KIAA0825: variants seen among roughly 807,000 people sequenced by gnomAD.
KIAA0825 encodes the protein KIAA0825, also known as uncharacterized protein KIAA0825.
A neutral mutation model predicts 147.6 loss-of-function variants in KIAA0825; 119 were observed. The observed-to-expected ratio is 0.81, with a 90% CI of 0.69 to 0.94. The LOEUF (loss-of-function observed/expected upper bound fraction) is 0.94. KIAA0825 is among the 40% of genes least tolerant of loss of function. KIAA0825 has a pLI of 0.00. For synonymous variants in KIAA0825, 470 were observed against 518.1 expected (o/e 0.91, Z 1.26); for missense variants, 1,381 against 1,472.7 (o/e 0.94, Z 1.02).
At chr5:94,468,262 G>A (rs993245116) in intron 10 of KIAA0825, among the ~76,000 whole-genome samples, 2 of 152,098 alleles carry the variant, frequency 1.3e-5, no homozygotes, top group African/African-American at 4.8e-5. Flanking sequence ...TTGCATAAGA[G>A]GAAACATAAT....
At chr5:94,435,209 G>T (rs915052309) in intron 14 of KIAA0825, among the ~76,000 whole-genome samples, 1 of 151,492 alleles carries the variant, frequency 6.6e-6, no homozygotes, top group African/African-American at 2.4e-5. Context: ...ATGGGGGTTT[G>T]TTGTACAGAT....
chr5:94,578,761 T>C (rs1241469423), intron 2 of KIAA0825, among the ~76,000 whole-genome samples: 1 of 152,244 alleles, frequency 6.6e-6, no homozygotes, highest in Non-Finnish European at 1.5e-5. Context: ...CAATTTTTCA[T>C]GTGCCAGTCA....
intron 20 of KIAA0825, among the ~76,000 whole-genome samples, chr5:94,290,115 G>A (rs927513884): frequency 6.6e-6 from 1 of 152,062 alleles, no homozygotes; most frequent in Non-Finnish European, 1.5e-5. Flanking sequence ...GGCAATAAGA[G>A]AGTAGGTACA....
At chr5:94,501,781 T>C (rs180869467) in intron 5 of KIAA0825, among the ~76,000 whole-genome samples, 30 of 152,320 alleles carry the variant, frequency 2.0e-4, no homozygotes, top group Non-Finnish European at 2.9e-4. Flanking sequence ...ATCAAAATTT[T>C]AATTAGCTTA....
In KIAA0825 at chr5:94,471,658, T is replaced by C. The variant is rs761348238; in HGVS notation, c.1529A>G (p.Gln510Arg). 5.2e-6 allele frequency: 8 copies of C among 1,552,144 alleles called. No homozygotes were observed. The highest frequency in any genetic ancestry group is 3.9e-5 in the Admixed American group (2 of 50,980). Residue 510 changes from glutamine to arginine, a missense_variant, in exon 9 of 21, where the codon CAG becomes CGG. Physicochemically the swap from Gln to Arg is conservative, Grantham distance 43. Coordinates refer to ENST00000682413, the MANE Select transcript of KIAA0825 (RefSeq NM_001145678.3). ...CTCCACCAAGTTTGCTCTAATTTCC[T>C]GAAAAGAATCATCTCTGCATGCCAG... ...LALACRDDSFQEIRANLVEAC... is the reference protein window; with the variant it reads ...LALACRDDSFREIRANLVEAC...
At chr5:94,526,763 A>G (rs1479080533) in intron 3 of KIAA0825, among the ~76,000 whole-genome samples, 4 of 152,010 alleles carry the variant, frequency 2.6e-5, no homozygotes, top group Non-Finnish European at 1.5e-5. Flanking sequence ...AGGCATTGTG[A>G]TATATACTAG....
chr5:94,508,119 A>C (rs1584723208), intron 5 of KIAA0825, among the ~76,000 whole-genome samples: 1 of 149,692 alleles, frequency 6.7e-6, no homozygotes. Context: ...TTTATGTCTC[A>C]CTGTGGTATG....
At chr5:94,453,375 T>TG (rs1758678510) in intron 12 of KIAA0825, among the ~76,000 whole-genome samples, 1 of 143,098 alleles carries the variant, frequency 7.0e-6, no homozygotes, top group Admixed American at 7.2e-5. Flanking sequence ...TTAGTAGAGA[T>TG]GGGGTTTCAA....
chr5:94,484,753 C>G lies in KIAA0825; in HGVS notation c.1132+16G>C. The stretch of plus-strand genomic sequence containing the variant: ...GAAATTATAGATTTACAAATTTAAA[C>G]AAAAGAGGATATTACCTGAAGTATC... On this transcript the variant is annotated intron_variant, in intron 6 of 20. Transcript: ENST00000682413. 1 of 1,423,616 alleles carries G rather than the reference C, an allele frequency of 7.0e-7. No individual in the cohort carries two copies. The highest frequency in any genetic ancestry group is 1.5e-5 in the South Asian group (1 of 66,772). The allele number at this position is 1,423,616 out of a possible 1,614,324, so 88.2% of individuals were successfully genotyped here. A position where few individuals can be genotyped will look rare whatever the true frequency, so the allele number is the denominator to read the frequency against.
At chr5:94,466,618 T>A (rs1472394586) in intron 10 of KIAA0825, among the ~76,000 whole-genome samples, 1 of 151,192 alleles carries the variant, frequency 6.6e-6, no homozygotes, top group Non-Finnish European at 1.5e-5. Flanking sequence ...GCGCCTGTAG[T>A]CCCAGCTACT....
chr5:94,519,384 T>A lies in KIAA0825; in HGVS notation c.970+864A>T, dbSNP rs1235739623. The A allele has an allele frequency of 1.2e-5, 11 of 896,722 alleles. No homozygotes were observed. The Admixed American group carries it at 6.2e-4, about 51-fold the overall frequency. The allele number at this position is 896,722 out of a possible 1,614,324, so 55.5% of individuals were successfully genotyped here. A position where few individuals can be genotyped will look rare whatever the true frequency, so the allele number is the denominator to read the frequency against. ...ATTCAGAAATACACCTCAGATTTTA[T>A]ATAAAAGCATAACTAATGATAATTT... On this transcript the variant is annotated intron_variant, in intron 5 of 20. Transcript: ENST00000682413.
intron 1 of KIAA0825, among the ~76,000 whole-genome samples, chr5:94,615,137 T>C (rs1790089028): frequency 6.6e-6 from 1 of 151,982 alleles, no homozygotes; most frequent in African/African-American, 2.4e-5. Context: ...TGATTGTGTG[T>C]CCACCAATGT....
intron 12 of KIAA0825, among the ~76,000 whole-genome samples, chr5:94,454,453 A>AT: frequency 6.6e-6 from 1 of 152,274 alleles, no homozygotes; most frequent in African/African-American, 2.4e-5. Flanking sequence ...AGACTTGGAC[A>AT]TTTTTTAGAC....
intron 2 of KIAA0825, among the ~76,000 whole-genome samples, chr5:94,548,787 T>C (rs1774958545): frequency 6.6e-6 from 1 of 152,028 alleles, no homozygotes; most frequent in African/African-American, 2.4e-5. Context: ...TATACTTGTA[T>C]CAGACAAAAT....
At chr5:94,434,693 C>G (rs1003661551) in intron 14 of KIAA0825, among the ~76,000 whole-genome samples, 1 of 152,154 alleles carries the variant, frequency 6.6e-6, no homozygotes. Flanking sequence ...TGAGGATCAT[C>G]TCATGGTGAA....
At chr5:94,437,846 T>G (rs1756569446) in intron 14 of KIAA0825, among the ~76,000 whole-genome samples, 1 of 152,210 alleles carries the variant, frequency 6.6e-6, no homozygotes, top group African/African-American at 2.4e-5. Flanking sequence ...GTAGCTGCTT[T>G]GTCTGAAAAG....
intron 15 of KIAA0825, chr5:94,413,793 A>C (rs1484878707): frequency 1.3e-5 from 2 of 152,208 alleles, no homozygotes; most frequent in Non-Finnish European, 2.9e-5. Context: ...TTCAATCAAT[A>C]AATATATTTT....
chr5:94,382,233 A>G (rs115843851), intron 20 of KIAA0825, among the ~76,000 whole-genome samples: 1,859 of 152,300 alleles, frequency 0.012, 34 homozygotes, highest in African/African-American at 0.042. Context: ...GATAGCATAT[A>G]TAACTTTCAT....
intron 20 of KIAA0825, among the ~76,000 whole-genome samples, chr5:94,309,125 G>A (rs908513647): frequency 1.3e-5 from 2 of 151,590 alleles, no homozygotes; most frequent in African/African-American, 2.4e-5. Flanking sequence ...TGTGAGTTAA[G>A]TTGGTGAAAC....
Sources: allele counts gnomAD v4.1 joint callset (sites outside exome capture counted in the v4.1 genomes callset), GRCh38; gene constraint gnomAD v4.1.1; transcripts MANE v1.5; gene names NCBI Gene and HGNC (gene_info 2026-07-23, HGNC 2026-07-21).